The following B4GALT6 variants were observed in gnomAD, a reference collection of about 807,000 sequenced individuals.
B4GALT6 encodes beta-1,4-galactosyltransferase 6, also known as UDP-Gal:beta-GlcNAc beta-1,4-galactosyltransferase 6.
In B4GALT6, 14 loss-of-function variants were observed where a neutral mutation model predicts 46.3. That is an observed-to-expected ratio of 0.30 (90% confidence interval 0.20 to 0.47). B4GALT6 has a LOEUF of 0.47. Ranked by LOEUF, B4GALT6 falls within the 20% of genes least tolerant of loss-of-function variation. The probability of loss-of-function intolerance (pLI) is 0.99; values close to 1 mark genes in which losing one functional copy is unlikely to be tolerated. For missense variants in B4GALT6, 386 were observed against 480.1 expected (o/e 0.80, Z 1.83); for synonymous variants, 168 against 162.0 (o/e 1.04, Z -0.28).
the B4GALT6 span, among the ~76,000 whole-genome samples, chr18:31,705,708 C>A: frequency 6.6e-6 from 1 of 152,122 alleles, no homozygotes; most frequent in African/African-American, 2.4e-5. Flanking sequence ...TTGTGTGGAC[C>A]TTTTTGTATG....
intron 5 of B4GALT6, among the ~76,000 whole-genome samples, chr18:31,637,739 T>C (rs2073877428): frequency 6.6e-6 from 1 of 152,232 alleles, no homozygotes; most frequent in Admixed American, 6.5e-5. Flanking sequence ...CTTTCCTTCC[T>C]TTTCTGTAGT....
intron 3 of B4GALT6, among the ~76,000 whole-genome samples, chr18:31,647,463 T>C (rs1295435230): frequency 6.6e-6 from 1 of 152,204 alleles, no homozygotes; most frequent in Non-Finnish European, 1.5e-5. Context: ...TCCTCGGGGT[T>C]GTGCACCTCC....
chr18:31,705,904 G>C, the B4GALT6 span, among the ~76,000 whole-genome samples: 5 of 152,112 alleles, frequency 3.3e-5, no homozygotes, highest in South Asian at 8.3e-4. Flanking sequence ...TACACACCCA[G>C]TTCCTCAAAA....
chr18:31,638,906 C>T (rs2073896297), intron 4 of B4GALT6, 146 bp from the exon 5 acceptor site: 1 of 668,698 alleles, frequency 1.5e-6, no homozygotes. Flanking sequence ...AGCAAGCAAA[C>T]ACGCAAAAAG....
chr18:31,672,836 T>C (rs2074372007), intron 1 of B4GALT6, among the ~76,000 whole-genome samples: 1 of 152,170 alleles, frequency 6.6e-6, no homozygotes, highest in African/African-American at 2.4e-5. Context: ...CCCAGCAAGC[T>C]AGCCCTTGAC....
chr18:31,723,172 T>C, the B4GALT6 span, among the ~76,000 whole-genome samples: 1 of 152,228 alleles, frequency 6.6e-6, no homozygotes, highest in Non-Finnish European at 1.5e-5. Flanking sequence ...TATTGGCTTC[T>C]AATTTCTTTT....
rs869030382 is a variant in B4GALT6, at chr18:31,629,447, A to ATTTTTTTTTTTTTTTTT, written c.776+1495_776+1511dup. ...ATTCTTAGTTTATATGCCCTTTATG[A>ATTTTTTTTTTTTTTTTT]TTTTTTTTTTTTTTTTTTTTTTTTT... is the stretch of plus-strand genomic sequence containing the variant. On this transcript the variant is annotated intron_variant, in intron 6 of 8. Coordinates refer to ENST00000306851, the MANE Select transcript of B4GALT6 (RefSeq NM_004775.5). 3.0e-4 allele frequency among the ~76,000 whole-genome samples: 10 copies of ATTTTTTTTTTTTTTTTT among 32,882 alleles called. 2 individuals carry two copies. The East Asian group carries it at 5.1e-3, about 17-fold the overall frequency. 21.6% of individuals were successfully genotyped at this position (32,882 alleles called of 152,430 possible). A position where few individuals can be genotyped will look rare whatever the true frequency, so the allele number is the denominator to read the frequency against.
At chr18:31,704,247 G>A in the B4GALT6 span, among the ~76,000 whole-genome samples, 2 of 149,274 alleles carry the variant, frequency 1.3e-5, no homozygotes, top group South Asian at 2.1e-4. Context: ...GAGACAGAGT[G>A]TCACTCTGTC....
Position 31,684,372 on chromosome 18 carries a change from T to A in B4GALT6, c.55A>T (p.Ile19Phe), listed in dbSNP as rs773183141. ...GACGAAGAGAGGGAGAAGAAGAAGATGAAGGCGAGGAGAGAGCGATTGGAA... is the reference window on the plus strand; with the variant it reads ...GACGAAGAGAGGGAGAAGAAGAAGAAGAAGGCGAGGAGAGAGCGATTGGAA... ...RVSNRSLLAF[I>F]FFFSLSSSCL... Residue 19 changes from isoleucine (I) to phenylalanine (F), a missense_variant, in exon 1 of 9, where the codon ATC becomes TTC. Ile to Phe is a conservative substitution (Grantham distance 21). Coordinates refer to ENST00000306851, the MANE Select transcript of B4GALT6 (RefSeq NM_004775.5). The A allele has an allele frequency of 2.5e-5, 40 of 1,613,400 alleles. No homozygotes were observed. The highest frequency in any genetic ancestry group is 1.2e-4 in the Admixed American group (7 of 59,970).
chr18:31,656,480 GT>G (rs1029630188), intron 3 of B4GALT6, among the ~76,000 whole-genome samples: 2 of 151,380 alleles, frequency 1.3e-5, no homozygotes, highest in East Asian at 1.9e-4. Flanking sequence ...ACAGTATAGT[GT>G]TTTTTTTAAA....
intron 4 of B4GALT6, among the ~76,000 whole-genome samples, chr18:31,641,663 G>A (rs150162898): frequency 3.5e-4 from 54 of 152,246 alleles, no homozygotes; most frequent in African/African-American, 1.3e-3. Flanking sequence ...AGTGGAGACC[G>A]AGAATATCTG....
chr18:31,698,689 T>C, the B4GALT6 span, among the ~76,000 whole-genome samples: 1 of 150,578 alleles, frequency 6.6e-6, no homozygotes, highest in South Asian at 2.1e-4. Context: ...TAATATAGAT[T>C]GATGACCACT....
At chr18:31,708,371 C>G in the B4GALT6 span, among the ~76,000 whole-genome samples, 2 of 152,150 alleles carry the variant, frequency 1.3e-5, no homozygotes, top group African/African-American at 4.8e-5. Flanking sequence ...TCAAGACCAG[C>G]TTAGCCAACA....
chr18:31,683,435 A>C (rs1416159723), intron 1 of B4GALT6, among the ~76,000 whole-genome samples: 1 of 152,208 alleles, frequency 6.6e-6, no homozygotes, highest in Non-Finnish European at 1.5e-5. Flanking sequence ...AACTCAGAAA[A>C]GTTTTGGAAA....
chr18:31,696,182 G>A, the B4GALT6 span, among the ~76,000 whole-genome samples: 2 of 152,172 alleles, frequency 1.3e-5, no homozygotes, highest in South Asian at 2.1e-4. Flanking sequence ...GGTAACAGAT[G>A]TTGCTGAAAA....
rs564361931 is a variant in B4GALT6, at chr18:31,681,126, G to T, written c.115+3186C>A. ...TCTATCTTCCATACCTCAATGTCCA[G>T]CCTCTCTTGGGTGCACAACTCCTAT... On this transcript the variant is annotated intron_variant, in intron 1 of 8. Transcript: ENST00000306851. 1.9e-3 allele frequency among the ~76,000 whole-genome samples: 280 copies of T among 145,638 alleles called. 2 individuals are homozygous for T. Among genetic ancestry groups the T allele is most frequent in the Non-Finnish European group, 3.6e-3 (239 of 66,018 alleles).
the B4GALT6 span, among the ~76,000 whole-genome samples, chr18:31,697,691 T>G: frequency 6.6e-6 from 1 of 152,156 alleles, no homozygotes; most frequent in African/African-American, 2.4e-5. Flanking sequence ...CCTAAAAATA[T>G]CACATGGATG....
Position 31,625,392 on chromosome 18 carries a change from T to C in B4GALT6, c.*222A>G, listed in dbSNP as rs2073678434. 5 of 437,584 alleles carry C rather than the reference T, an allele frequency of 1.1e-5. No homozygotes were observed. The highest frequency in any genetic ancestry group is 2.1e-5 in the African/African-American group (1 of 48,674). The allele number at this position is 437,584 out of a possible 1,614,324, so 27.1% of individuals were successfully genotyped here. ...TAACTTCCGATCTTAAGTAGTGGCT[T>C]CCCGTTTCTGCGGTGCTCGCCACAG... On this transcript the variant is annotated 3_prime_UTR_variant, in exon 9 of 9. Transcript: ENST00000306851.
intron 1 of B4GALT6, among the ~76,000 whole-genome samples, chr18:31,669,315 C>T (rs1403875917): frequency 6.6e-6 from 1 of 152,106 alleles, no homozygotes; most frequent in East Asian, 1.9e-4. Context: ...ACATGTCATC[C>T]TTGTGCAGGG....
Sources: gnomAD v4.1 joint callset for allele counts (sites outside exome capture counted in the v4.1 genomes callset) on GRCh38, gnomAD v4.1.1 for gene constraint, MANE v1.5 for transcripts, NCBI Gene and HGNC (gene_info 2026-07-23, HGNC 2026-07-21) for gene names.